CACNA1D: variants seen among roughly 807,000 people sequenced by gnomAD.
CACNA1D encodes the protein voltage-dependent L-type calcium channel subunit alpha-1D.
Under a neutral mutation model 257.1 loss-of-function variants are expected in CACNA1D, and 55 were observed. The observed-to-expected ratio is 0.21, with a 90% confidence interval of 0.17 to 0.27. The LOEUF (loss-of-function observed/expected upper bound fraction) is 0.27, where lower values mean the gene tolerates loss of function less well. Ranked by LOEUF, CACNA1D falls within the 10% of genes least tolerant of loss-of-function variation. CACNA1D has a pLI of 1.00. For synonymous variants in CACNA1D, 980 were observed against 1,014.9 expected, an observed-to-expected ratio of 0.97 and a Z score of 0.65; for missense variants, 1,876 against 2,784.0, an observed-to-expected ratio of 0.67 and a Z score of 7.34.
At chr3:53,572,880 A>G (rs1291373522) in intron 3 of CACNA1D, among the ~76,000 whole-genome samples, 1 of 152,170 alleles carries the variant, frequency 6.6e-6, no homozygotes, top group Non-Finnish European at 1.5e-5. Flanking sequence ...GACCATCTTT[A>G]TATGAACAGA....
At chr3:53,631,986 G>A (rs1242340906) in intron 3 of CACNA1D, among the ~76,000 whole-genome samples, 1 of 152,152 alleles carries the variant, frequency 6.6e-6, no homozygotes, top group Admixed American at 6.5e-5. Context: ...AAGGGCCCTG[G>A]GATTTTCAGA....
At chr3:53,596,340 C>T (rs2093369575) in intron 3 of CACNA1D, among the ~76,000 whole-genome samples, 1 of 152,106 alleles carries the variant, frequency 6.6e-6, no homozygotes, top group Admixed American at 6.6e-5. Context: ...GGAAGGATAA[C>T]TCCAGTGTTG....
chr3:53,658,233 C>T (rs1404541384), intron 4 of CACNA1D, among the ~76,000 whole-genome samples: 1 of 151,060 alleles, frequency 6.6e-6, no homozygotes, highest in African/African-American at 2.4e-5. Context: ...GGAACAGAAT[C>T]ACGGAATATT....
At chr3:53,633,631 C>T (rs1447403027) in intron 3 of CACNA1D, among the ~76,000 whole-genome samples, 3 of 152,194 alleles carry the variant, frequency 2.0e-5, no homozygotes, top group Admixed American at 2.0e-4. Context: ...TTGCCTCCTC[C>T]TGATTTCCTG....
At chr3:53,625,405 C>A (rs2108071570) in intron 3 of CACNA1D, among the ~76,000 whole-genome samples, 1 of 152,284 alleles carries the variant, frequency 6.6e-6, no homozygotes, top group East Asian at 1.9e-4. Context: ...TCTGACTTCC[C>A]AGCAGCCTGC....
intron 29 of CACNA1D, among the ~76,000 whole-genome samples, chr3:53,754,553 G>A (rs1212955973): frequency 2.0e-5 from 3 of 152,210 alleles, no homozygotes; most frequent in Non-Finnish European, 2.9e-5. Context: ...CTGGCATGTA[G>A]CGCCACGCTG....
At chr3:53,689,856 C>G (rs1384771368) in intron 8 of CACNA1D, among the ~76,000 whole-genome samples, 1 of 152,116 alleles carries the variant, frequency 6.6e-6, no homozygotes, top group African/African-American at 2.4e-5. Context: ...GAAACAGGAT[C>G]TCTCTATGTT....
At chr3:53,624,825 A>G (rs1015228785) in intron 3 of CACNA1D, among the ~76,000 whole-genome samples, 4 of 152,070 alleles carry the variant, frequency 2.6e-5, no homozygotes, top group African/African-American at 9.7e-5. Flanking sequence ...TATCCGTGGG[A>G]TTGTGTAGGG....
At chr3:53,523,950 G>A (rs2091671176) in intron 3 of CACNA1D, among the ~76,000 whole-genome samples, 1 of 152,230 alleles carries the variant, frequency 6.6e-6, no homozygotes, top group Admixed American at 6.5e-5. Flanking sequence ...ACTACTCAAG[G>A]ACTGGTGCAG....
intron 3 of CACNA1D, among the ~76,000 whole-genome samples, chr3:53,517,487 CTT>C (rs529370207): frequency 1.7e-4 from 24 of 140,648 alleles, no homozygotes; most frequent in East Asian, 4.1e-4. Context: ...TTCTTTCTTT[CTT>C]TTTTTTTTTT....
chr3:53,781,453 A>C, intron 38 of CACNA1D, 113 bp from the exon 39 acceptor site: 1 of 744,564 alleles, frequency 1.3e-6, no homozygotes, highest in Admixed American at 2.0e-5. Context: ...GTGGAGCCCC[A>C]TCAGAGGGCA....
At chr3:53,497,115 T>A (rs770301253) in intron 1 of CACNA1D, 37 bp from the exon 2 acceptor site, 35 of 1,305,558 alleles carry the variant, frequency 2.7e-5, no homozygotes, top group African/African-American at 4.5e-5. Flanking sequence ...GATCCTCATT[T>A]AAAAAAAAAA....
chr3:53,714,083 C>T (rs1457027973), intron 9 of CACNA1D, among the ~76,000 whole-genome samples: 2 of 152,280 alleles, frequency 1.3e-5, no homozygotes, highest in African/African-American at 4.8e-5. Context: ...TGGTTTTTCC[C>T]AGACTCACTG....
chr3:53,514,502 G>A (rs2107275971), intron 3 of CACNA1D, among the ~76,000 whole-genome samples: 1 of 152,260 alleles, frequency 6.6e-6, no homozygotes, highest in East Asian at 1.9e-4. Context: ...TCCCAGCTTT[G>A]CCTTTCACTG....
At chr3:53,512,130 T>C (rs1275409686) in intron 3 of CACNA1D, among the ~76,000 whole-genome samples, 2 of 152,240 alleles carry the variant, frequency 1.3e-5, no homozygotes, top group Admixed American at 6.5e-5. Context: ...TGCAAAATTG[T>C]ACTTCTCTGT....
chr3:53,631,944 A>G (rs1466926547), intron 3 of CACNA1D, among the ~76,000 whole-genome samples: 1 of 152,222 alleles, frequency 6.6e-6, no homozygotes. Context: ...TTTTCCATTT[A>G]TAGAGCATAG....
In CACNA1D at chr3:53,586,454, G is replaced by A. The variant is rs934041021; in HGVS notation, c.484-64325G>A. Among the ~76,000 whole-genome samples the A allele has an allele frequency of 4.1e-5, 6 of 147,982 alleles. 1 individual carries two copies. The highest frequency in any genetic ancestry group is 6.7e-5 in the Admixed American group (1 of 15,002). On this transcript the variant is annotated intron_variant, in intron 3 of 47. Coordinates refer to ENST00000350061, the MANE Select transcript of CACNA1D (RefSeq NM_001128840.3). ...AGTCCTCACCTATTTTTTTTTTTGT[G>A]GCACCCTACAGTGTCTGCAGTGATA...
At chr3:53,604,534 C>G (rs2093483570) in intron 3 of CACNA1D, among the ~76,000 whole-genome samples, 1 of 148,044 alleles carries the variant, frequency 6.8e-6, no homozygotes. Context: ...CTGCACTTCT[C>G]CCTGTAGCTC....
At chr3:53,632,521 T>A (rs1466394646) in intron 3 of CACNA1D, among the ~76,000 whole-genome samples, 1 of 152,270 alleles carries the variant, frequency 6.6e-6, no homozygotes, top group African/African-American at 2.4e-5. Flanking sequence ...TCAAGAACTT[T>A]TGCTTTGCAT....
Sources: gnomAD v4.1 joint callset for allele counts (sites outside exome capture counted in the v4.1 genomes callset) on GRCh38, gnomAD v4.1.1 for gene constraint, MANE v1.5 for transcripts, NCBI Gene and HGNC (gene_info 2026-07-23, HGNC 2026-07-21) for gene names.